The following ADAM12 variants were observed in gnomAD, a reference collection of about 807,000 sequenced individuals.
The protein encoded by ADAM12 is disintegrin and metalloproteinase domain-containing protein 12.
ADAM12 carries 70 observed loss-of-function variants against 106.4 expected under a neutral mutation model. That is an observed-to-expected ratio of 0.66 (90% CI 0.54 to 0.80). The LOEUF is 0.80. Ranked by LOEUF, ADAM12 falls within the 30% of genes least tolerant of loss-of-function variation. The pLI is 0.00. For synonymous variants in ADAM12, 420 were observed against 433.5 expected, an observed-to-expected ratio of 0.97 and a Z score of 0.39; for missense variants, 1,010 against 1,171.9, an observed-to-expected ratio of 0.86 and a Z score of 2.02.
At chr10:126,371,970 T>C (rs1306280609) in intron 1 of ADAM12, among the ~76,000 whole-genome samples, 1 of 152,202 alleles carries the variant, frequency 6.6e-6, no homozygotes, top group Admixed American at 6.5e-5. Context: ...TTTTGTGTGC[T>C]ATAAGTAAAT....
At chr10:126,360,240 T>C (rs1360316851) in intron 1 of ADAM12, among the ~76,000 whole-genome samples, 2 of 152,242 alleles carry the variant, frequency 1.3e-5, no homozygotes, top group Non-Finnish European at 2.9e-5. Context: ...GGAGACATTT[T>C]CCCCATTGTC....
At chr10:126,041,852 C>A in intron 18 of ADAM12, 1 of 1,268,196 alleles carries the variant, frequency 7.9e-7, no homozygotes, top group Non-Finnish European at 9.9e-7. Flanking sequence ...CTGGGGCCTG[C>A]CAGAGTGGTA....
rs138266683 is a variant in ADAM12, at chr10:126,182,345, C to T, written c.261-27040G>A. The stretch of plus-strand genomic sequence containing the variant: ...AAAAAACATTAAGGGACTAAAAACA[C>T]ATTTATAGTCTCGTACAAATGGAAT... On this transcript the variant is annotated intron_variant, in intron 3 of 22. Transcript: ENST00000448723. 4.4e-3 allele frequency among the ~76,000 whole-genome samples: 664 copies of T among 152,268 alleles called. 2 individuals are homozygous for T. Among genetic ancestry groups the T allele is most frequent in the African/African-American group, 0.013 (538 of 41,550 alleles).
chr10:126,117,760 G>GGGT (rs1368086227), intron 6 of ADAM12, among the ~76,000 whole-genome samples: 2 of 130,950 alleles, frequency 1.5e-5, no homozygotes, highest in Non-Finnish European at 3.2e-5. Context: ...GTAGAAGTTG[G>GGGT]GGGGGCGTAA....
rs572551645 is a variant in ADAM12, at chr10:126,240,470, C to A, written c.260+38445G>T. The stretch of plus-strand genomic sequence containing the variant: ...GACCTACATAAAACGAGTAAACACA[C>A]GACAAGTGCAGAATCATAAATGAGG... On this transcript the variant is annotated intron_variant, in intron 3 of 22. Transcript: ENST00000448723. Among the ~76,000 whole-genome samples, 24 of 152,268 alleles carry A rather than the reference C, an allele frequency of 1.6e-4. No individual in the cohort carries two copies. The South Asian group carries it at 5.0e-3, about 32-fold the overall frequency.
intron 2 of ADAM12, among the ~76,000 whole-genome samples, chr10:126,297,479 G>T (rs1445169594): frequency 6.6e-6 from 1 of 152,220 alleles, no homozygotes; most frequent in Admixed American, 6.5e-5. Flanking sequence ...GAGCTCAAGA[G>T]TTTAAGGCTG....
intron 1 of ADAM12, among the ~76,000 whole-genome samples, chr10:126,336,576 C>G (rs1169001362): frequency 6.6e-6 from 1 of 152,152 alleles, no homozygotes; most frequent in Non-Finnish European, 1.5e-5. Context: ...TCTGAGTACT[C>G]TCCAGCATAC....
intron 3 of ADAM12, among the ~76,000 whole-genome samples, chr10:126,224,576 C>T (rs933697385): frequency 2.0e-5 from 3 of 152,150 alleles, no homozygotes; most frequent in Non-Finnish European, 2.9e-5. Context: ...GCGGTGGGGG[C>T]GTTGCACGGC....
rs564608823 is a variant in ADAM12 at position 126,130,317 on chromosome 10, C to T, written c.416+5267G>A. Among the ~76,000 whole-genome samples, 8 of 152,190 alleles carry T rather than the reference C, an allele frequency of 5.3e-5. No homozygotes were observed. In the East Asian group the frequency reaches 9.7e-4, roughly 18 times the overall value. ...GATCATAAAGTTGACTGTACAGCTG[C>T]GGAATTTCTCTGTTGATGCACGGTC... On this transcript the variant is annotated intron_variant, in intron 5 of 22. Transcript: ENST00000448723.
intron 2 of ADAM12, among the ~76,000 whole-genome samples, chr10:126,293,830 C>T (rs10901585): frequency 0.14 from 21,434 of 152,184 alleles, 1,615 homozygotes; most frequent in Admixed American, 0.22. Flanking sequence ...CCCCATCTTC[C>T]ACAAGGCCCC....
At chr10:126,056,482 C>A (rs78463455) in intron 14 of ADAM12, among the ~76,000 whole-genome samples, 15 of 152,208 alleles carry the variant, frequency 9.9e-5, no homozygotes, top group Non-Finnish European at 2.2e-4. Flanking sequence ...GGCTAACTCA[C>A]GGGTAGCCCC....
intron 1 of ADAM12, among the ~76,000 whole-genome samples, chr10:126,361,111 G>C (rs921533492): frequency 2.0e-5 from 3 of 152,122 alleles, no homozygotes; most frequent in Non-Finnish European, 4.4e-5. Flanking sequence ...CTCCCACCAG[G>C]TTCCTCCCAC....
intron 2 of ADAM12, among the ~76,000 whole-genome samples, chr10:126,312,552 G>A (rs2133819193): frequency 6.6e-6 from 1 of 152,252 alleles, no homozygotes; most frequent in South Asian, 2.1e-4. Context: ...AGTCTGGGTG[G>A]TCAGGGAAAG....
At chr10:126,353,036 T>C (rs937710796) in intron 1 of ADAM12, among the ~76,000 whole-genome samples, 4 of 152,168 alleles carry the variant, frequency 2.6e-5, no homozygotes, top group African/African-American at 9.7e-5. Context: ...AGCAGGCTTC[T>C]CTCCACTGCT....
chr10:126,136,046 T>C (rs1192200361), intron 4 of ADAM12, among the ~76,000 whole-genome samples: 1 of 151,980 alleles, frequency 6.6e-6, no homozygotes, highest in Non-Finnish European at 1.5e-5. Flanking sequence ...TTAAGCACAC[T>C]GTGAAATGTA....
At chr10:126,031,103 G>A (rs34959612) in intron 21 of ADAM12, among the ~76,000 whole-genome samples, 2 of 152,174 alleles carry the variant, frequency 1.3e-5, no homozygotes, top group Admixed American at 6.5e-5. Context: ...AGAGGTCTTA[G>A]GGGAGGGTGA....
intron 3 of ADAM12, among the ~76,000 whole-genome samples, chr10:126,215,822 A>G (rs1957977531): frequency 6.6e-6 from 1 of 152,224 alleles, no homozygotes; most frequent in South Asian, 2.1e-4. Context: ...ACTTGTGTAA[A>G]CAGCACAAAA....
intron 1 of ADAM12, among the ~76,000 whole-genome samples, chr10:126,359,778 C>G (rs1339842591): frequency 6.6e-6 from 1 of 152,170 alleles, no homozygotes; most frequent in African/African-American, 2.4e-5. Context: ...ATGGGGCGGC[C>G]CTCTTCTCAC....
At chr10:126,323,960 A>G (rs1854200759) in intron 2 of ADAM12, among the ~76,000 whole-genome samples, 1 of 152,234 alleles carries the variant, frequency 6.6e-6, no homozygotes, top group Non-Finnish European at 1.5e-5. Flanking sequence ...AAAGAACTAG[A>G]ACTGCTCTTA....
Sources: gnomAD v4.1 joint callset for allele counts (sites outside exome capture counted in the v4.1 genomes callset) on GRCh38, gnomAD v4.1.1 for gene constraint, MANE v1.5 for transcripts, NCBI Gene and HGNC (gene_info 2026-07-23, HGNC 2026-07-21) for gene names.